The following TOP6BL variants were observed in gnomAD, a reference collection of about 807,000 sequenced individuals.
TOP6BL encodes type 2 DNA topoisomerase 6 subunit B-like.
At chr11:66,780,134 A>C in the TOP6BL span, among the ~76,000 whole-genome samples, 2 of 152,010 alleles carry the variant, frequency 1.3e-5, no homozygotes, top group Non-Finnish European at 2.9e-5. Flanking sequence ...CGTTGTGCAC[A>C]TGTACCCTAA....
chr11:66,781,559 C>G, the TOP6BL span, among the ~76,000 whole-genome samples: 2 of 152,044 alleles, frequency 1.3e-5, no homozygotes, highest in South Asian at 4.1e-4. Flanking sequence ...TTTTCAGAGA[C>G]AGGGTCTCAC....
At chr11:66,842,753 C>T in the TOP6BL span, 1 of 1,228,622 alleles carries the variant, frequency 8.1e-7, no homozygotes, top group Non-Finnish European at 1.1e-6. Context: ...GTGGGAAGAG[C>T]CCCTCGGCGC....
chr11:66,836,558 G>C, the TOP6BL span, among the ~76,000 whole-genome samples: 3 of 149,114 alleles, frequency 2.0e-5, no homozygotes, highest in African/African-American at 7.4e-5. Context: ...AGTTATGAGA[G>C]TTCTTTACCT....
chr11:66,765,009 T>G, the TOP6BL span, among the ~76,000 whole-genome samples: 10 of 151,886 alleles, frequency 6.6e-5, no homozygotes, highest in Admixed American at 4.6e-4. Flanking sequence ...TTATTAGCAC[T>G]AGGGAGGAGA....
chr11:66,827,762 C>T, the TOP6BL span, among the ~76,000 whole-genome samples: 366 of 151,704 alleles, frequency 2.4e-3, 2 homozygotes, highest in African/African-American at 8.4e-3. Context: ...GTCAGGAGTT[C>T]GAAACCAGCC....
chr11:66,760,625 CA>C, the TOP6BL span, among the ~76,000 whole-genome samples: 2,921 of 54,004 alleles, frequency 0.054, 6 homozygotes, highest in Middle Eastern at 0.074. Flanking sequence ...CCCATCTTTA[CA>C]AAAAAAAAAA....
At chr11:66,837,445 A>G in the TOP6BL span, among the ~76,000 whole-genome samples, 1 of 111,870 alleles carries the variant, frequency 8.9e-6, no homozygotes, top group Non-Finnish European at 1.9e-5. Context: ...CAAATTTTTA[A>G]TTTTTTTTTT....
the TOP6BL span, chr11:66,744,807 G>T: frequency 1.6e-6 from 2 of 1,270,356 alleles, no homozygotes; most frequent in East Asian, 3.1e-5. Flanking sequence ...TTCCAAGCCC[G>T]GGCTGAGGAG....
chr11:66,753,677 A>G, the TOP6BL span, among the ~76,000 whole-genome samples: 1 of 151,728 alleles, frequency 6.6e-6, no homozygotes, highest in Non-Finnish European at 1.5e-5. Flanking sequence ...AAGTGCTGGC[A>G]TTACAGGCGT....
the TOP6BL span, among the ~76,000 whole-genome samples, chr11:66,746,063 C>T: frequency 2.6e-5 from 4 of 151,994 alleles, no homozygotes; most frequent in Non-Finnish European, 5.9e-5. Flanking sequence ...TGCCCGCCTC[C>T]GCCTCCCAAA....
At chr11:66,755,870 T>C in the TOP6BL span, among the ~76,000 whole-genome samples, 1,844 of 152,318 alleles carry the variant, frequency 0.012, 22 homozygotes, top group Non-Finnish European at 0.018. Flanking sequence ...TTTCTCTCTT[T>C]CTTCACATGG....
the TOP6BL span, among the ~76,000 whole-genome samples, chr11:66,760,625 CAAAAAAAAA>C: frequency 1.9e-3 from 104 of 54,150 alleles, no homozygotes; most frequent in African/African-American, 9.3e-3. Context: ...CCCATCTTTA[CAAAAAAAAA>C]AAAAAAAAAA....
At chr11:66,745,509 G>C in the TOP6BL span, among the ~76,000 whole-genome samples, 1 of 152,184 alleles carries the variant, frequency 6.6e-6, no homozygotes, top group Admixed American at 6.5e-5. Context: ...GCCTGGCGCC[G>C]GCCACGCCCC....
At chr11:66,795,571 G>T in the TOP6BL span, among the ~76,000 whole-genome samples, 2 of 151,954 alleles carry the variant, frequency 1.3e-5, no homozygotes, top group East Asian at 3.9e-4. Flanking sequence ...CAAAGTGCCG[G>T]GATTACAGGC....
the TOP6BL span, among the ~76,000 whole-genome samples, chr11:66,767,900 C>T: frequency 1.3e-5 from 2 of 152,112 alleles, no homozygotes; most frequent in Admixed American, 6.6e-5. Context: ...AAGGGATCCT[C>T]CCATTTATAG....
the TOP6BL span, among the ~76,000 whole-genome samples, chr11:66,751,505 T>A: frequency 6.6e-6 from 1 of 151,640 alleles, no homozygotes; most frequent in South Asian, 2.1e-4. Context: ...CTAATTTTTT[T>A]TTTTTTTTTT....
chr11:66,777,115 C>T, the TOP6BL span, among the ~76,000 whole-genome samples: 1 of 149,818 alleles, frequency 6.7e-6, no homozygotes, highest in Admixed American at 6.7e-5. Flanking sequence ...ATATCTATAT[C>T]TATATCTATA....
the TOP6BL span, among the ~76,000 whole-genome samples, chr11:66,793,784 T>A: frequency 2.0e-5 from 3 of 151,874 alleles, no homozygotes; most frequent in Non-Finnish European, 2.9e-5. Flanking sequence ...ATTGCCACAG[T>A]TTTTGACTTC....
the TOP6BL span, chr11:66,748,486 C>T: frequency 4.5e-6 from 7 of 1,548,016 alleles, no homozygotes; most frequent in Non-Finnish European, 6.1e-6. Flanking sequence ...ATTCTAAGCA[C>T]CAGGCAAATG....
Sources: gnomAD v4.1 joint callset for allele counts (sites outside exome capture counted in the v4.1 genomes callset) on GRCh38, gnomAD v4.1.1 for gene constraint, MANE v1.5 for transcripts, NCBI Gene and HGNC (gene_info 2026-07-23, HGNC 2026-07-21) for gene names.